Variants in GNB5 observed in about 807,000 individuals in gnomAD.
The protein encoded by GNB5 is G protein subunit beta 5, also known as guanine nucleotide-binding protein subunit beta-5.
In GNB5, 37 loss-of-function variants were observed where a neutral mutation model predicts 55.3. The ratio of observed to expected loss-of-function variants is 0.67; its 90% CI spans 0.51 to 0.88. The LOEUF is 0.88. GNB5 is among the 40% of genes least tolerant of loss of function. The pLI, the probability that GNB5 is intolerant of heterozygous loss-of-function variation, is 0.00. For synonymous variants in GNB5, 219 were observed against 198.5 expected (o/e 1.10, Z -0.87); for missense variants, 476 against 515.3 (o/e 0.92, Z 0.74).
intron 11 of GNB5, chr15:52,125,074 G>C (rs2033386508): frequency 6.4e-6 from 1 of 156,958 alleles, no homozygotes; most frequent in African/African-American, 2.4e-5. Flanking sequence ...GCAGGGAAAA[G>C]ATGTTCCAGG....
intron 4 of GNB5, among the ~76,000 whole-genome samples, chr15:52,153,705 G>A (rs1465256195): frequency 2.0e-5 from 3 of 152,090 alleles, no homozygotes; most frequent in African/African-American, 4.8e-5. Flanking sequence ...TATTTTCAAT[G>A]GTTCATCATA....
chr15:52,122,571 ACAC>A lies in GNB5; in HGVS notation c.*183_*185del. 1.7e-6 allele frequency: 1 copy of A among 604,208 alleles called. No homozygotes were observed. The highest frequency in any genetic ancestry group is 2.9e-6 in the Non-Finnish European group (1 of 339,542). The allele number at this position is 604,208 out of a possible 1,614,324, so 37.4% of individuals were successfully genotyped here. ...GGTATTCTCGCAGTGCTGAAGGCTC[ACAC>A]TAGTGTATTTCCAGAGGTGACAGTT... On this transcript the variant is annotated 3_prime_UTR_variant, in exon 13 of 13. Transcript: ENST00000261837.
chr15:52,122,237 A>C lies in GNB5; in HGVS notation c.*520T>G, dbSNP rs2033287083. The C allele has an allele frequency of 6.6e-6, 1 of 152,586 alleles. No homozygotes were observed. Among genetic ancestry groups the C allele is most frequent in the Non-Finnish European group, 1.5e-5 (1 of 68,184 alleles). 9.5% of individuals were successfully genotyped at this position (152,586 alleles called of 1,614,324 possible). A position where few individuals can be genotyped will look rare whatever the true frequency, so the allele number is the denominator to read the frequency against. ...AAAGATACTTTTACAATAAAAACAC[A>C]TTCTAAAAAAATGATTTTTGTCTAA... On this transcript the variant is annotated 3_prime_UTR_variant, in exon 13 of 13. Coordinates refer to ENST00000261837, the MANE Select transcript of GNB5 (RefSeq NM_016194.4).
At chr15:52,179,727 C>G in intron 3 of GNB5, 41 bp downstream of exon 3, 1 of 1,282,490 alleles carries the variant, frequency 7.8e-7, no homozygotes, top group African/African-American at 1.6e-5. Context: ...AAGTGGCGAG[C>G]CGGTCCGGCT....
chr15:52,181,431 C>T (rs1032837970), intron 2 of GNB5, among the ~76,000 whole-genome samples: 1 of 152,112 alleles, frequency 6.6e-6, no homozygotes, highest in Non-Finnish European at 1.5e-5. Context: ...GCCTGGCCAA[C>T]ATGATGAAAC....
chr15:52,141,015 C>T, intron 7 of GNB5, 125 bp downstream of exon 7: 1 of 715,364 alleles, frequency 1.4e-6, no homozygotes. Context: ...TAGGAGCTTC[C>T]TCTTAGAGCA....
rs1282310044 is a variant in GNB5 at position 52,116,924 on chromosome 15, T to A, written c.*5833A>T. On this transcript the variant is annotated 3_prime_UTR_variant, in exon 13 of 13. Coordinates refer to ENST00000261837, the MANE Select transcript of GNB5 (RefSeq NM_016194.4). Reference sequence around the variant, plus strand: ...TTTAAAAACCTTTGTTTTTCTTTTTTTTTTTCTTTGTTTTTTTGAGTCAGA... The same window carrying A: ...TTTAAAAACCTTTGTTTTTCTTTTTATTTTTCTTTGTTTTTTTGAGTCAGA... 1 of 149,714 alleles carries A rather than the reference T, an allele frequency of 6.7e-6. No individual in the cohort carries two copies. Among genetic ancestry groups the A allele is most frequent in the African/African-American group, 2.5e-5 (1 of 39,648 alleles). 9.3% of individuals were successfully genotyped at this position (149,714 alleles called of 1,614,324 possible). A position where few individuals can be genotyped will look rare whatever the true frequency, so the allele number is the denominator to read the frequency against.
At position 52,117,102 on chromosome 15, in the gene GNB5, A is replaced by ATATATATATATATATATATATATT; in HGVS notation, c.*5654_*5655insAATATATATATATATATATATATA. The stretch of plus-strand genomic sequence containing the variant: ...CCACGCCCAGCTAATATATATATAT[A>ATATATATATATATATATATATATT]TTTTTTTTTAGTACAGACAGGGTTT... On this transcript the variant is annotated 3_prime_UTR_variant, in exon 13 of 13. Coordinates refer to ENST00000261837, the MANE Select transcript of GNB5 (RefSeq NM_016194.4). 1.6e-4 allele frequency: 14 copies of ATATATATATATATATATATATATT among 87,088 alleles called. 1 individual carries two copies. The highest frequency in any genetic ancestry group is 7.6e-4 in the South Asian group (2 of 2,628). The allele number at this position is 87,088 out of a possible 1,614,324, so 5.4% of individuals were successfully genotyped here.
In GNB5 at chr15:52,190,232, C is replaced by T. The variant is rs1301630692; in HGVS notation, c.-19+1090G>A. On this transcript the variant is annotated intron_variant, in intron 1 of 12. Coordinates refer to ENST00000261837, the MANE Select transcript of GNB5 (RefSeq NM_016194.4). ...TCCCAGGTTCATGCCATTCTCCTGC[C>T]TCAGCCTCCCAAATATCTGGGAATA... 2.0e-5 allele frequency among the ~76,000 whole-genome samples: 3 copies of T among 151,704 alleles called. No individual in the cohort carries two copies. The East Asian group carries it at 5.8e-4, about 29-fold the overall frequency.
chr15:52,177,928 G>A (rs996052263), intron 3 of GNB5, among the ~76,000 whole-genome samples: 25 of 152,044 alleles, frequency 1.6e-4, no homozygotes, highest in Non-Finnish European at 3.5e-4. Flanking sequence ...AGCTTTTGAG[G>A]GCACCACACT....
chr15:52,149,714 T>G, intron 5 of GNB5, 170 bp downstream of exon 5: 1 of 699,092 alleles, frequency 1.4e-6, no homozygotes, highest in African/African-American at 1.8e-5. Context: ...ATGGGCTGGC[T>G]GAGCTGTTCA....
intron 7 of GNB5, chr15:52,137,786 G>C: frequency 8.1e-7 from 1 of 1,242,222 alleles, no homozygotes; most frequent in Non-Finnish European, 1.0e-6. Flanking sequence ...CCTGGAGCCA[G>C]CTGGGTACTG....
intron 6 of GNB5, chr15:52,143,896 C>A (rs976805859): frequency 6.6e-6 from 1 of 152,244 alleles, no homozygotes; most frequent in Non-Finnish European, 1.5e-5. Flanking sequence ...GTATTAGTTT[C>A]GTCTTTGACG....
chr15:52,130,324 G>A (rs116864514), intron 9 of GNB5, among the ~76,000 whole-genome samples: 4,031 of 152,194 alleles, frequency 0.026, 70 homozygotes, highest in Middle Eastern at 0.051. Context: ...GCCAGTGTTC[G>A]CCCTGGAAGA....
chr15:52,166,162 C>T (rs1422546756), intron 3 of GNB5, among the ~76,000 whole-genome samples: 1 of 152,172 alleles, frequency 6.6e-6, no homozygotes, highest in Non-Finnish European at 1.5e-5. Flanking sequence ...TATATATGCA[C>T]CCAATACAGG....
intron 1 of GNB5, among the ~76,000 whole-genome samples, chr15:52,187,983 TA>T (rs1205104830): frequency 6.6e-6 from 1 of 150,998 alleles, no homozygotes; most frequent in Non-Finnish European, 1.5e-5. Context: ...AATAAATAAA[TA>T]AGTGGAAACA....
rs41277708 is a variant in GNB5, at chr15:52,141,052, C to T, written c.627+88G>A. 61,376 of 1,135,708 alleles carry T rather than the reference C, an allele frequency of 0.054. 1,986 individuals carry two copies. Among genetic ancestry groups the T allele is most frequent in the Non-Finnish European group, 0.066 (50,040 of 760,182 alleles). The allele number at this position is 1,135,708 out of a possible 1,614,324, so 70.4% of individuals were successfully genotyped here. A position where few individuals can be genotyped will look rare whatever the true frequency, so the allele number is the denominator to read the frequency against. ...ACTACTGGAGCACAGCCATCTTGTT[C>T]AGAGAGACGCCGAAAGCTTCCTCTC... On this transcript the variant is annotated intron_variant, in intron 7 of 12. Coordinates refer to ENST00000261837, the MANE Select transcript of GNB5 (RefSeq NM_016194.4).
Position 52,125,989 on chromosome 15 carries a change from C to T in GNB5, c.968G>A (p.Ser323Asn), listed in dbSNP as rs757656249. Residue 323 changes from serine (S) to asparagine (N), a missense_variant, in exon 11 of 13, where the codon AGC becomes AAC. Transcript: ENST00000261837. Reference sequence around the variant, plus strand: ...CACGCTGGATGCTCCAAATATGATGCTTTCTTTGGAATAGATGGCAACCTC... The same window carrying T: ...CACGCTGGATGCTCCAAATATGATGTTTTCTTTGGAATAGATGGCAACCTC... ...DREVAIYSKE[S>N]IIFGASSVDF... is the part of the protein sequence containing the mutation. 4.4e-6 allele frequency: 7 copies of T among 1,583,384 alleles called. No individual in the cohort carries two copies. The highest frequency in any genetic ancestry group is 6.1e-6 in the Non-Finnish European group (7 of 1,155,238).
At chr15:52,126,300 T>C (rs1413024373) in intron 10 of GNB5, among the ~76,000 whole-genome samples, 2 of 152,270 alleles carry the variant, frequency 1.3e-5, no homozygotes, top group African/African-American at 4.8e-5. Context: ...TCTTCAGGTA[T>C]AAAAACAAAA....
Sources: allele counts gnomAD v4.1 joint callset (sites outside exome capture counted in the v4.1 genomes callset), GRCh38; gene constraint gnomAD v4.1.1; transcripts MANE v1.5; gene names NCBI Gene and HGNC (gene_info 2026-07-23, HGNC 2026-07-21).